Variants in APBB1 observed in about 807,000 individuals in gnomAD.
APBB1 encodes amyloid beta precursor protein binding family B member 1.
A neutral mutation model predicts 78.4 loss-of-function variants in APBB1; 22 were observed. That is an observed-to-expected ratio of 0.28 (90% CI 0.20 to 0.40). The LOEUF (loss-of-function observed/expected upper bound fraction) is 0.40, where lower values mean the gene tolerates loss of function less well. Ranked by LOEUF, APBB1 falls within the 10% of genes least tolerant of loss-of-function variation. The pLI, the probability that APBB1 is intolerant of heterozygous loss-of-function variation, is 1.00. For missense variants in APBB1, 749 were observed against 932.4 expected (o/e 0.80, Z 2.56); for synonymous variants, 369 against 372.7 (o/e 0.99, Z 0.12).
intron 2 of APBB1, chr11:6,405,079 G>C: frequency 1.5e-6 from 2 of 1,375,836 alleles, no homozygotes; most frequent in Non-Finnish European, 1.9e-6. Context: ...CTTCTTCCTC[G>C]CCCTGGCTCC....
At chr11:6,409,650 T>C (rs907341374) in intron 2 of APBB1, among the ~76,000 whole-genome samples, 2 of 151,756 alleles carry the variant, frequency 1.3e-5, no homozygotes, top group African/African-American at 2.4e-5. Flanking sequence ...GGGTATTGTG[T>C]CCGCCACCTG....
At position 6,402,073 on chromosome 11, in the gene APBB1, T is replaced by C. The variant is rs1468314809; in HGVS notation, c.1382+9A>G. ...ACTCCCACCCTCGAATCCCAAGCCC[T>C]ATTCCCACCTTCCACTGTCCCGCCC... On this transcript the variant is annotated intron_variant, in intron 8 of 14. Coordinates refer to ENST00000609360, the MANE Select transcript of APBB1 (RefSeq NM_001164.5). 2.5e-6 allele frequency: 4 copies of C among 1,613,728 alleles called. No individual in the cohort carries two copies. Among genetic ancestry groups the C allele is most frequent in the Non-Finnish European group, 3.4e-6 (4 of 1,179,822 alleles).
chr11:6,401,529 T>C lies in APBB1; in HGVS notation c.1503+45A>G, dbSNP rs777636314. 4 of 1,613,948 alleles carry C rather than the reference T, an allele frequency of 2.5e-6. No individual in the cohort carries two copies. Among genetic ancestry groups the C allele is most frequent in the South Asian group, 2.2e-5 (2 of 91,052 alleles). On this transcript the variant is annotated intron_variant, in intron 10 of 14. Coordinates refer to ENST00000609360, the MANE Select transcript of APBB1 (RefSeq NM_001164.5). This position sits in a 1 kb window ranked among gnomAD's most constrained non-coding sequence, Gnocchi z 4.5. Reference sequence around the variant, plus strand: ...CTCAGTGACCCCACCCACACCCTTGTAGAGCAAAGGTGGCAACTAGTCCAG... The same window carrying C: ...CTCAGTGACCCCACCCACACCCTTGCAGAGCAAAGGTGGCAACTAGTCCAG...
At chr11:6,398,843 G>A (rs1323346577) in intron 12 of APBB1, among the ~76,000 whole-genome samples, 1 of 152,204 alleles carries the variant, frequency 6.6e-6, no homozygotes, top group Non-Finnish European at 1.5e-5. Flanking sequence ...GGACGTGAAA[G>A]TCAGCACGGT....
In APBB1 at chr11:6,396,056, C is replaced by G. The variant is rs988134586; in HGVS notation, c.1788+44G>C. ...CTCTTCCCCTCACCCCCAGTCTCCC[C>G]TCTATGGCAAGGCGCAGCCACGACT... On this transcript the variant is annotated intron_variant, in intron 13 of 14. Coordinates refer to ENST00000609360, the MANE Select transcript of APBB1 (RefSeq NM_001164.5). 5 of 1,601,236 alleles carry G rather than the reference C, an allele frequency of 3.1e-6. No individual in the cohort carries two copies. In the African/African-American group the frequency reaches 6.7e-5, roughly 22 times the overall value.
chr11:6,414,341 C>G (rs1230652263), intron 1 of APBB1, among the ~76,000 whole-genome samples: 1 of 152,150 alleles, frequency 6.6e-6, no homozygotes, highest in East Asian at 1.9e-4. Context: ...CTCTCCCCAC[C>G]ATCAAGTGAC....
At chr11:6,412,065 C>T (rs1848980134) in intron 1 of APBB1, among the ~76,000 whole-genome samples, 1 of 152,214 alleles carries the variant, frequency 6.6e-6, no homozygotes, top group South Asian at 2.1e-4. Context: ...CTCTGCCAGC[C>T]CTCATAATGC....
chr11:6,403,707 C>A lies in APBB1; in HGVS notation c.837G>T (p.Gln279His). 6.2e-7 allele frequency: 1 copy of A among 1,610,194 alleles called. No individual in the cohort carries two copies. The highest frequency in any genetic ancestry group is 8.5e-7 in the Non-Finnish European group (1 of 1,177,466). The part of the protein sequence containing the change: ...YYWHIPTGTT[Q>H]WEPPGRASPS... The stretch of plus-strand genomic sequence containing the variant: ...GGGAGGCCCGGCCGGGGGGTTCCCA[C>A]TGGGTGGTCCCTGTTGGGATGTGCC... The change falls in exon 3 of 15, where the codon CAG becomes CAT. Residue 279 changes from glutamine to histidine, a missense_variant. Physicochemically the swap from Gln to His is conservative, Grantham distance 24. This residue lies in a region of APBB1 where 635 missense variants were observed against 765.0 expected (regional missense o/e 0.83). Coordinates refer to ENST00000609360, the MANE Select transcript of APBB1 (RefSeq NM_001164.5). This position sits in a 1 kb window ranked among gnomAD's most constrained non-coding sequence, Gnocchi z 5.3.
In APBB1 at chr11:6,411,036, C is replaced by A; in HGVS notation, c.312G>T (p.Glu104Asp). ...GGCCTTTGGGGCCCAAGGGTGCCATCTCAGGCTCCTGGCTGGCCTCCTCCG... is the reference window on the plus strand; with the variant it reads ...GGCCTTTGGGGCCCAAGGGTGCCATATCAGGCTCCTGGCTGGCCTCCTCCG... ...TLAEEASQEP[E>D]MAPLGPKGLI... The change falls in exon 2 of 15, where the codon GAG (glutamate) becomes GAT (aspartate). Residue 104 changes from glutamate (E) to aspartate (D), a missense_variant. Glu to Asp is a conservative substitution (Grantham distance 45). This residue lies in a region of APBB1 where 635 missense variants were observed against 765.0 expected (regional missense o/e 0.83). Coordinates refer to ENST00000609360, the MANE Select transcript of APBB1 (RefSeq NM_001164.5). This position sits in a 1 kb window ranked among gnomAD's most constrained non-coding sequence, Gnocchi z 5.2. The A allele has an allele frequency of 4.3e-6, 7 of 1,614,116 alleles. No homozygotes were observed. Among genetic ancestry groups the A allele is most frequent in the Non-Finnish European group, 5.9e-6 (7 of 1,180,042 alleles).
chr11:6,404,657 A>G, intron 2 of APBB1: 4 of 1,536,134 alleles, frequency 2.6e-6, no homozygotes, highest in Non-Finnish European at 3.5e-6. Context: ...ACACCACTCC[A>G]ACCCTGTAAC....
chr11:6,396,362 T>C, intron 12 of APBB1, 147 bp from the exon 13 acceptor site: 2 of 634,066 alleles, frequency 3.2e-6, no homozygotes, highest in African/African-American at 1.9e-5. Context: ...GCTGTCCAAG[T>C]ATCCCTTCCC....
intron 12 of APBB1, 144 bp from the exon 13 acceptor site, chr11:6,396,359 A>C: frequency 3.1e-6 from 2 of 648,078 alleles, no homozygotes; most frequent in South Asian, 3.9e-5. Flanking sequence ...AACGCTGTCC[A>C]AGTATCCCTT....
In APBB1 at chr11:6,396,141, C is replaced by T. The variant is rs1217450667; in HGVS notation, c.1747G>A (p.Val583Ile). 2 of 1,554,560 alleles carry T rather than the reference C, an allele frequency of 1.3e-6. No homozygotes were observed. The highest frequency in any genetic ancestry group is 1.7e-6 in the Non-Finnish European group (2 of 1,148,660). ...GTGAGGGTAGCAGGGGCCACACTGACATGACTTGGGGTCCATTGTTCACGG... is the reference window on the plus strand; with the variant it reads ...GTGAGGGTAGCAGGGGCCACACTGATATGACTTGGGGTCCATTGTTCACGG... Reference protein sequence around the residue: ...SSREQWTPSHVSVAPATLTIL... With the variant: ...SSREQWTPSHISVAPATLTIL... Residue 583 changes from valine to isoleucine, a missense_variant, in exon 13 of 15, where the codon GTC (valine) becomes ATC (isoleucine). Physicochemically the swap from Val to Ile is conservative, Grantham distance 29. Around this residue, in one of 3 missense-constraint regions of APBB1, gnomAD observed 635 missense variants for 765.0 expected, o/e 0.83. Coordinates refer to ENST00000609360, the MANE Select transcript of APBB1 (RefSeq NM_001164.5).
At position 6,416,902 on chromosome 11, in the gene APBB1, C is replaced by T. The variant is rs56659751; in HGVS notation, c.-15+2083G>A. 5.5e-3 allele frequency among the ~76,000 whole-genome samples: 840 copies of T among 152,206 alleles called. 12 individuals are homozygous for T. The highest frequency in any genetic ancestry group is 0.019 in the African/African-American group (807 of 41,530). ...GATTACAGGCACACACCACCATGCC[C>T]GGCTAATTTTTGTGTACTTTTAGTA... On this transcript the variant is annotated intron_variant, in intron 1 of 14. Coordinates refer to ENST00000609360, the MANE Select transcript of APBB1 (RefSeq NM_001164.5).
chr11:6,417,724 A>T (rs1849156773), intron 1 of APBB1, among the ~76,000 whole-genome samples: 1 of 152,242 alleles, frequency 6.6e-6, no homozygotes, highest in Non-Finnish European at 1.5e-5. Flanking sequence ...AGAAATATTT[A>T]GGCAGTGGAT....
intron 1 of APBB1, among the ~76,000 whole-genome samples, chr11:6,417,492 AC>A (rs1367291916): frequency 6.6e-6 from 1 of 152,234 alleles, no homozygotes; most frequent in Non-Finnish European, 1.5e-5. Context: ...TATCTTCAGG[AC>A]ATAACACAGT....
At chr11:6,407,771 G>GTT (rs1377244369) in intron 2 of APBB1, among the ~76,000 whole-genome samples, 2 of 129,492 alleles carry the variant, frequency 1.5e-5, no homozygotes, top group African/African-American at 6.9e-5. Context: ...TTTAGTAGAA[G>GTT]TATTTTTTTT....
At position 6,401,861 on chromosome 11, in the gene APBB1, G is replaced by A; in HGVS notation, c.1388+116C>T. 1 of 1,473,282 alleles carries A rather than the reference G, an allele frequency of 6.8e-7. No homozygotes were observed. The highest frequency in any genetic ancestry group is 9.3e-7 in the Non-Finnish European group (1 of 1,078,778). 91.3% of individuals were successfully genotyped at this position (1,473,282 alleles called of 1,614,324 possible). A position where few individuals can be genotyped will look rare whatever the true frequency, so the allele number is the denominator to read the frequency against. The stretch of plus-strand genomic sequence containing the variant: ...GGAGGGGTAGACAGGCAAGCATGCT[G>A]AGGTGGAGGGTAATGGTGGAGCATA... On this transcript the variant is annotated intron_variant, in intron 9 of 14. Coordinates refer to ENST00000609360, the MANE Select transcript of APBB1 (RefSeq NM_001164.5). The surrounding 1 kb of genome is among the most constrained non-coding windows in gnomAD (Gnocchi z 4.5).
intron 2 of APBB1, chr11:6,405,764 T>A (rs1381816661): frequency 1.6e-5 from 13 of 830,340 alleles, no homozygotes; most frequent in African/African-American, 1.9e-5. Context: ...TAACTCACAC[T>A]CTATGGAATA....
Sources: allele counts gnomAD v4.1 joint callset (sites outside exome capture counted in the v4.1 genomes callset), GRCh38; gene constraint gnomAD v4.1.1; regional missense constraint gnomAD v4.1.1; non-coding constraint Gnocchi (gnomAD v3.1); transcripts MANE v1.5; gene names NCBI Gene and HGNC (gene_info 2026-07-23, HGNC 2026-07-21).